The following FLRT2 variants were observed in gnomAD, a reference collection of about 807,000 sequenced individuals.
FLRT2 encodes the protein fibronectin leucine rich transmembrane protein 2.
A neutral mutation model predicts 40.0 loss-of-function variants in FLRT2; 15 were observed. The observed-to-expected ratio is 0.38, with a 90% CI of 0.25 to 0.58. The LOEUF (loss-of-function observed/expected upper bound fraction) is 0.58, where lower values mean the gene tolerates loss of function less well. Among genes scored for constraint, FLRT2 ranks in the 20% least tolerant of loss-of-function variants. The probability of loss-of-function intolerance (pLI) is 0.71; values close to 1 mark genes in which losing one functional copy is unlikely to be tolerated. For synonymous variants in FLRT2, 380 were observed against 336.8 expected, an observed-to-expected ratio of 1.13 and a Z score of -1.41; for missense variants, 726 against 840.0, an observed-to-expected ratio of 0.86 and a Z score of 1.68.
At chr14:85,540,977 T>A (rs1403792115) in intron 1 of FLRT2, among the ~76,000 whole-genome samples, 1 of 152,158 alleles carries the variant, frequency 6.6e-6, no homozygotes, top group African/African-American at 2.4e-5. Flanking sequence ...ATCTCTGAAA[T>A]GCACCAACAA....
intron 1 of FLRT2, among the ~76,000 whole-genome samples, chr14:85,555,157 A>G (rs1889873017): frequency 6.6e-6 from 1 of 152,222 alleles, no homozygotes; most frequent in African/African-American, 2.4e-5. Context: ...ATATCACAGT[A>G]GATTCAGATC....
At position 85,621,635 on chromosome 14, in the gene FLRT2, C is replaced by T. The variant is rs1406638714; in HGVS notation, c.121C>T (p.Arg41Cys). The part of the protein sequence containing the change: ...SKLLACPSVC[R>C]CDRNFVYCNE... ...ACTCCTGGCCTGCCCTAGTGTGTGC[C>T]GCTGCGACAGGAACTTTGTCTACTG... Residue 41 changes from arginine to cysteine, a missense_variant, in exon 2 of 2, where the codon CGC (arginine) becomes TGC (cysteine). Coordinates refer to ENST00000330753, the MANE Select transcript of FLRT2 (RefSeq NM_013231.6). The T allele has an allele frequency of 1.9e-6, 3 of 1,614,046 alleles. No homozygotes were observed. The highest frequency in any genetic ancestry group is 1.1e-5 in the South Asian group (1 of 91,068).
rs781257125 is a variant in FLRT2, at chr14:85,647,979, A to C, written c.*24482A>C. 3.9e-5 allele frequency: 6 copies of C among 152,140 alleles called. No individual in the cohort carries two copies. Among genetic ancestry groups the C allele is most frequent in the Admixed American group, 1.3e-4 (2 of 15,264 alleles). 9.4% of individuals were successfully genotyped at this position (152,140 alleles called of 1,614,324 possible). ...CTCCTGTTCTCTTCTTTGCCTTGTT[A>C]TGCATGTACTGACTTTTTACCTCTT... is the stretch of plus-strand genomic sequence containing the variant. On this transcript the variant is annotated 3_prime_UTR_variant, in exon 2 of 2. Coordinates refer to ENST00000330753, the MANE Select transcript of FLRT2 (RefSeq NM_013231.6).
chr14:85,639,081 A>G lies in FLRT2; in HGVS notation c.*15584A>G, dbSNP rs1314987904. The G allele has an allele frequency of 2.0e-5, 3 of 152,208 alleles. No homozygotes were observed. The highest frequency in any genetic ancestry group is 7.2e-5 in the African/African-American group (3 of 41,466). The allele number at this position is 152,208 out of a possible 1,614,324, so 9.4% of individuals were successfully genotyped here. ...TTGTAGATAGATAAAAACTAAACTG[A>G]AACCAAAAGAATTTCCAGAGCAGGC... On this transcript the variant is annotated 3_prime_UTR_variant, in exon 2 of 2. Coordinates refer to ENST00000330753, the MANE Select transcript of FLRT2 (RefSeq NM_013231.6).
intron 1 of FLRT2, among the ~76,000 whole-genome samples, chr14:85,572,712 C>T (rs1890947871): frequency 6.6e-6 from 1 of 152,164 alleles, no homozygotes; most frequent in South Asian, 2.1e-4. Flanking sequence ...CACATTCATG[C>T]TTCTCATTCA....
chr14:85,622,227 T>C lies in FLRT2; in HGVS notation c.713T>C (p.Val238Ala). 1.9e-6 allele frequency: 3 copies of C among 1,614,138 alleles called. No individual in the cohort carries two copies. Among genetic ancestry groups the C allele is most frequent in the Non-Finnish European group, 2.5e-6 (3 of 1,180,000 alleles). ...ACCAAGCTCAAGGAATTTTCAATTG[T>C]ACGTAATTCGCTGTCCCACCCTCCT... The part of the protein sequence containing the change: ...HLTKLKEFSI[V>A]RNSLSHPPPD... Residue 238 changes from valine (V) to alanine (A), a missense_variant, in exon 2 of 2, where the codon GTA (valine) becomes GCA (alanine). Physicochemically the swap from Val to Ala is moderately conservative, Grantham distance 64. This residue lies in a region of FLRT2 where 611 missense variants were observed against 690.0 expected (regional missense o/e 0.89). Coordinates refer to ENST00000330753, the MANE Select transcript of FLRT2 (RefSeq NM_013231.6).
chr14:85,549,471 G>A (rs535216575), intron 1 of FLRT2, among the ~76,000 whole-genome samples: 5 of 152,248 alleles, frequency 3.3e-5, no homozygotes, highest in African/African-American at 7.2e-5. Context: ...ACCCCTTCAC[G>A]AGTCTTGCAA....
intron 1 of FLRT2, among the ~76,000 whole-genome samples, chr14:85,614,332 T>C (rs1893026173): frequency 6.6e-6 from 1 of 151,034 alleles, no homozygotes; most frequent in Admixed American, 6.6e-5. Flanking sequence ...TATCTAATCC[T>C]CCCAACAATT....
rs1170096983 is a variant in FLRT2, at chr14:85,556,703, A to G, written c.-377+26169A>G. On this transcript the variant is annotated intron_variant, in intron 1 of 1. Transcript: ENST00000330753. ...ACCAACTTTATAAAGTTCTTGAGGA[A>G]TTAAATGAGTTAATACATAGAATAG... Among the ~76,000 whole-genome samples the G allele has an allele frequency of 2.6e-5, 4 of 152,220 alleles. No homozygotes were observed. The East Asian group carries it at 7.7e-4, about 29-fold the overall frequency.
rs925845972 is a variant in FLRT2 at position 85,651,472 on chromosome 14, G to C, written c.*27975G>C. ...TGTGCTGTGAATTATTGAGATAATGGGTTAAATGTATGTGCCTGTGTCCAT... is the reference window on the plus strand; with the variant it reads ...TGTGCTGTGAATTATTGAGATAATGCGTTAAATGTATGTGCCTGTGTCCAT... On this transcript the variant is annotated 3_prime_UTR_variant, in exon 2 of 2. Transcript: ENST00000330753. 11 of 151,870 alleles carry C rather than the reference G, an allele frequency of 7.2e-5. No homozygotes were observed. Among genetic ancestry groups the C allele is most frequent in the African/African-American group, 2.7e-4 (11 of 41,376 alleles). The allele number at this position is 151,870 out of a possible 1,614,324, so 9.4% of individuals were successfully genotyped here.
At chr14:85,533,399 T>G (rs1016184311) in intron 1 of FLRT2, among the ~76,000 whole-genome samples, 14 of 151,918 alleles carry the variant, frequency 9.2e-5, no homozygotes, top group Admixed American at 5.2e-4. Flanking sequence ...GGCGCAGCAC[T>G]TGGAGCGAGC....
chr14:85,566,183 G>A (rs936289399), intron 1 of FLRT2, among the ~76,000 whole-genome samples: 2 of 152,112 alleles, frequency 1.3e-5, no homozygotes, highest in African/African-American at 4.8e-5. Flanking sequence ...ATACACTGGA[G>A]ATCAGGAGAC....
rs1298428059 is a variant in FLRT2, at chr14:85,637,838, A to C, written c.*14341A>C. ...ACTCTTGCAAATTTTTCATGTTGTA[A>C]TCACCCACCAGTGGTAATAATAGGG... On this transcript the variant is annotated 3_prime_UTR_variant, in exon 2 of 2. Transcript: ENST00000330753. The C allele has an allele frequency of 6.6e-6, 1 of 152,230 alleles. No individual in the cohort carries two copies. Among genetic ancestry groups the C allele is most frequent in the Non-Finnish European group, 1.5e-5 (1 of 68,038 alleles). The allele number at this position is 152,230 out of a possible 1,614,324, so 9.4% of individuals were successfully genotyped here.
intron 1 of FLRT2, chr14:85,560,768 A>C (rs1401781313): frequency 6.6e-6 from 1 of 152,026 alleles, no homozygotes; most frequent in African/African-American, 2.4e-5. Flanking sequence ...AGAAGGCACA[A>C]TATGCCAGTA....
intron 1 of FLRT2, among the ~76,000 whole-genome samples, chr14:85,565,631 G>A (rs1488870607): frequency 6.6e-6 from 1 of 152,094 alleles, no homozygotes; most frequent in African/African-American, 2.4e-5. Context: ...GCTTCTTGTG[G>A]TGAGGTTATT....
At chr14:85,619,049 A>G (rs1352073345) in intron 1 of FLRT2, among the ~76,000 whole-genome samples, 2 of 150,302 alleles carry the variant, frequency 1.3e-5, no homozygotes, top group Non-Finnish European at 3.0e-5. Context: ...AGCAAAATGT[A>G]TATTAGGTTT....
chr14:85,573,457 G>A (rs756163243), intron 1 of FLRT2, among the ~76,000 whole-genome samples: 8 of 152,082 alleles, frequency 5.3e-5, no homozygotes, highest in South Asian at 2.1e-4. Flanking sequence ...AGCAGTTTAC[G>A]CCTGTTGAGG....
intron 1 of FLRT2, among the ~76,000 whole-genome samples, chr14:85,584,996 A>G (rs532105502): frequency 4.4e-4 from 67 of 152,268 alleles, no homozygotes; most frequent in African/African-American, 1.4e-3. Flanking sequence ...GACCAGATGC[A>G]GTCGAGGGCT....
chr14:85,590,972 C>T (rs1891857378), intron 1 of FLRT2, among the ~76,000 whole-genome samples: 1 of 152,112 alleles, frequency 6.6e-6, no homozygotes, highest in Non-Finnish European at 1.5e-5. Context: ...TCACTCTTTC[C>T]TCTGAATTTC....
Sources: gnomAD v4.1 joint callset for allele counts (sites outside exome capture counted in the v4.1 genomes callset) on GRCh38, gnomAD v4.1.1 for gene constraint, gnomAD v4.1.1 regional missense constraint, MANE v1.5 for transcripts, NCBI Gene and HGNC (gene_info 2026-07-23, HGNC 2026-07-21) for gene names.